Variants in MAST4 observed in about 807,000 individuals in gnomAD.
MAST4 encodes the protein microtubule-associated serine/threonine-protein kinase 4.
MAST4 carries 89 observed loss-of-function variants against 162.7 expected under a neutral mutation model. The observed-to-expected ratio is 0.55, with a 90% CI of 0.46 to 0.65. MAST4 has a LOEUF of 0.65. Among genes scored for constraint, MAST4 ranks in the 30% least tolerant of loss-of-function variants. The pLI is 0.00. For missense variants in MAST4, 3,153 were observed against 3,374.0 expected, an observed-to-expected ratio of 0.93 and a Z score of 1.62; for synonymous variants, 1,479 against 1,361.1, an observed-to-expected ratio of 1.09 and a Z score of -1.91.
intron 4 of MAST4, among the ~76,000 whole-genome samples, chr5:66,987,686 G>A (rs762967524): frequency 6.6e-6 from 1 of 151,994 alleles, no homozygotes; most frequent in African/African-American, 2.4e-5. Flanking sequence ...AATATTTCAA[G>A]CCGTACAGAT....
intron 1 of MAST4, among the ~76,000 whole-genome samples, chr5:66,709,852 G>A (rs551664004): frequency 1.3e-5 from 2 of 152,134 alleles, no homozygotes; most frequent in African/African-American, 2.4e-5. Context: ...TGGATATTAG[G>A]GAGATTTTAA....
chr5:67,072,598 G>T (rs1761117109), intron 5 of MAST4, among the ~76,000 whole-genome samples: 1 of 152,154 alleles, frequency 6.6e-6, no homozygotes, highest in Non-Finnish European at 1.5e-5. Context: ...ATATTCATAT[G>T]ACATAAAGAA....
chr5:67,166,249 G>A lies in MAST4; in HGVS notation c.7070G>A (p.Ser2357Asn). The change falls in exon 29 of 29, where the codon AGC becomes AAC. Residue 2357 changes from serine (S) to asparagine (N), a missense_variant. Transcript: ENST00000403625. ...KQTDNRQTDKSPSQPAANTDR... is the reference protein window; with the variant it reads ...KQTDNRQTDKNPSQPAANTDR... ...ACAGACAACAGACAGACAGACAAAA[G>A]CCCGAGTCAGCCGGCCGCCAACACC... 1 of 1,552,728 alleles carries A rather than the reference G, an allele frequency of 6.4e-7. No individual in the cohort carries two copies. Among genetic ancestry groups the A allele is most frequent in the East Asian group, 2.4e-5 (1 of 40,994 alleles).
intron 6 of MAST4, among the ~76,000 whole-genome samples, chr5:67,090,760 G>A (rs1763775841): frequency 6.6e-6 from 1 of 151,742 alleles, no homozygotes; most frequent in African/African-American, 2.4e-5. Context: ...ATTGTTCAGA[G>A]GATAGCAGGC....
At chr5:66,799,893 GA>G (rs1235836806) in intron 3 of MAST4, among the ~76,000 whole-genome samples, 1 of 152,130 alleles carries the variant, frequency 6.6e-6, no homozygotes, top group Non-Finnish European at 1.5e-5. Flanking sequence ...TGGAAAATGG[GA>G]ATATTAATAG....
chr5:66,772,326 T>C (rs1754395703), intron 2 of MAST4, among the ~76,000 whole-genome samples: 1 of 152,222 alleles, frequency 6.6e-6, no homozygotes, highest in Non-Finnish European at 1.5e-5. Context: ...TTTTTCCCTT[T>C]CTTCATGTTT....
chr5:66,618,658 G>A lies in MAST4; in HGVS notation c.363+21640G>A, dbSNP rs141427518. On this transcript the variant is annotated intron_variant, in intron 1 of 28. Coordinates refer to ENST00000403625, the MANE Select transcript of MAST4 (RefSeq NM_001164664.2). The stretch of plus-strand genomic sequence containing the variant: ...AAAAGGCTTCAGATTAACTAGATGC[G>A]ACTTTTGATGTTTACCCTGATCACT... Among the ~76,000 whole-genome samples the A allele has an allele frequency of 1.7e-4, 22 of 127,500 alleles. 1 individual carries two copies. The East Asian group carries it at 4.6e-3, about 26-fold the overall frequency. 83.6% of individuals were successfully genotyped at this position (127,500 alleles called of 152,430 possible). A position where few individuals can be genotyped will look rare whatever the true frequency, so the allele number is the denominator to read the frequency against.
chr5:67,165,707 C>T lies in MAST4; in HGVS notation c.6528C>T (p.Pro2176=). The change falls in exon 29 of 29, where the codon CCC becomes CCT. Residue 2176 remains proline (P), a synonymous_variant. Coordinates refer to ENST00000403625, the MANE Select transcript of MAST4 (RefSeq NM_001164664.2). ...KPSTAEPSSS[P]QDPPKPVAAH... The stretch of plus-strand genomic sequence containing the variant: ...GCACTGCAGAGCCCAGCTCGAGCCC[C>T]CAGGACCCTCCCAAGCCTGTTGCTG... 1.3e-6 allele frequency: 2 copies of T among 1,577,462 alleles called. No individual in the cohort carries two copies. The highest frequency in any genetic ancestry group is 1.7e-4 in the Middle Eastern group (1 of 6,014).
intron 4 of MAST4, among the ~76,000 whole-genome samples, chr5:67,021,325 A>T (rs945728744): frequency 6.6e-6 from 1 of 152,184 alleles, no homozygotes; most frequent in Non-Finnish European, 1.5e-5. Flanking sequence ...TCTCTTATCC[A>T]AGTGTAAATA....
intron 4 of MAST4, among the ~76,000 whole-genome samples, chr5:66,955,839 G>A (rs78816773): frequency 0.069 from 10,527 of 152,132 alleles, 1,145 homozygotes; most frequent in African/African-American, 0.24. Context: ...GCTGAAGTGT[G>A]TACATACACA....
chr5:66,858,292 A>G (rs1759835529), intron 3 of MAST4, among the ~76,000 whole-genome samples: 1 of 152,082 alleles, frequency 6.6e-6, no homozygotes. Context: ...GGTGTGAGCT[A>G]CCACACCCAG....
chr5:66,968,708 C>T (rs1320922523), intron 4 of MAST4, among the ~76,000 whole-genome samples: 1 of 152,172 alleles, frequency 6.6e-6, no homozygotes, highest in African/African-American at 2.4e-5. Flanking sequence ...GTTTTGAGAG[C>T]AGTGCTGGCA....
chr5:66,793,356 T>G (rs552827657), intron 3 of MAST4, among the ~76,000 whole-genome samples: 10 of 152,356 alleles, frequency 6.6e-5, no homozygotes, highest in African/African-American at 1.9e-4. Flanking sequence ...ATACTTCATA[T>G]ACATTAATCT....
chr5:66,788,605 C>CCCCAAACAAAAAAAAAAAAA, intron 2 of MAST4, 65 bp from the exon 3 acceptor site: 1 of 1,344,528 alleles, frequency 7.4e-7, no homozygotes, highest in Non-Finnish European at 1.0e-6. Flanking sequence ...CACCCCCACC[C>CCCCAAACAAAAAAAAAAAAA]CCATTGCAAT....
intron 4 of MAST4, among the ~76,000 whole-genome samples, chr5:66,926,207 G>A (rs1764877902): frequency 6.6e-6 from 1 of 152,124 alleles, no homozygotes; most frequent in Non-Finnish European, 1.5e-5. Flanking sequence ...TGGAGATGGT[G>A]AGATAATACA....
intron 4 of MAST4, among the ~76,000 whole-genome samples, chr5:66,908,451 G>T (rs549302194): frequency 6.6e-6 from 1 of 152,070 alleles, no homozygotes; most frequent in Non-Finnish European, 1.5e-5. Flanking sequence ...TAAGGTAGAG[G>T]CTTGAGTACT....
At chr5:66,765,314 T>G (rs1447127742) in intron 2 of MAST4, among the ~76,000 whole-genome samples, 1 of 152,178 alleles carries the variant, frequency 6.6e-6, no homozygotes, top group Admixed American at 6.5e-5. Flanking sequence ...CCGAAGTTCA[T>G]AGTTGCTCAA....
At chr5:67,004,727 G>C in intron 4 of MAST4, 1 of 421,966 alleles carries the variant, frequency 2.4e-6, no homozygotes, top group Non-Finnish European at 4.4e-6. Context: ...GCCTGACTAG[G>C]AGAGGGCAGA....
chr5:66,984,125 T>A (rs1325063626), intron 4 of MAST4, among the ~76,000 whole-genome samples: 2 of 152,114 alleles, frequency 1.3e-5, no homozygotes, highest in East Asian at 3.9e-4. Context: ...GAGAAGAGGA[T>A]GTAACATAAA....
Sources: allele counts gnomAD v4.1 joint callset (sites outside exome capture counted in the v4.1 genomes callset), GRCh38; gene constraint gnomAD v4.1.1; transcripts MANE v1.5; gene names NCBI Gene and HGNC (gene_info 2026-07-23, HGNC 2026-07-21).